The following TSPAN9 variants were observed in gnomAD, a reference collection of about 807,000 sequenced individuals.
The protein encoded by TSPAN9 is tetraspanin 9.
In TSPAN9, 16 loss-of-function variants were observed where a neutral mutation model predicts 31.0. The ratio of observed to expected loss-of-function variants is 0.52; its 90% CI spans 0.35 to 0.78. The LOEUF (loss-of-function observed/expected upper bound fraction) is 0.78, where lower values mean the gene tolerates loss of function less well. Ranked by LOEUF, TSPAN9 falls within the 30% of genes least tolerant of loss-of-function variation. The probability of loss-of-function intolerance (pLI) is 0.01; values close to 1 mark genes in which losing one functional copy is unlikely to be tolerated. For missense variants in TSPAN9, 272 were observed against 312.5 expected (o/e 0.87, Z 0.98); for synonymous variants, 145 against 121.6 (o/e 1.19, Z -1.27).
intron 2 of TSPAN9, among the ~76,000 whole-genome samples, chr12:3,148,378 A>G (rs2098338263): frequency 6.6e-6 from 1 of 152,222 alleles, no homozygotes; most frequent in South Asian, 2.1e-4. Flanking sequence ...CACAAGCTGA[A>G]TTTCTCAGAC....
chr12:3,183,395 G>A (rs969063888), intron 2 of TSPAN9, among the ~76,000 whole-genome samples: 4 of 152,184 alleles, frequency 2.6e-5, no homozygotes, highest in Non-Finnish European at 5.9e-5. Flanking sequence ...GGTTACCTTG[G>A]CGATTAGGTG....
chr12:3,267,975 G>A (rs1316150046), intron 3 of TSPAN9, among the ~76,000 whole-genome samples: 1 of 152,206 alleles, frequency 6.6e-6, no homozygotes, highest in Non-Finnish European at 1.5e-5. Context: ...ACAAGTTCCA[G>A]AGTTTGGGGA....
At chr12:3,178,998 TGA>T (rs1565604097) in intron 2 of TSPAN9, among the ~76,000 whole-genome samples, 1 of 152,182 alleles carries the variant, frequency 6.6e-6, no homozygotes, top group African/African-American at 2.4e-5. Flanking sequence ...GGCGGAGGAA[TGA>T]GAGTTATTCT....
At chr12:3,239,284 C>G (rs981980761) in intron 3 of TSPAN9, among the ~76,000 whole-genome samples, 2 of 152,174 alleles carry the variant, frequency 1.3e-5, no homozygotes, top group African/African-American at 2.4e-5. Flanking sequence ...TGGGCAGGAG[C>G]CTGCTTGGCT....
intron 1 of TSPAN9, among the ~76,000 whole-genome samples, chr12:3,079,610 C>T (rs542937651): frequency 2.0e-5 from 3 of 152,060 alleles, no homozygotes; most frequent in South Asian, 2.1e-4. Flanking sequence ...TACAGGTGCC[C>T]GCCACCACAC....
At chr12:3,158,195 C>T (rs2098343266) in intron 2 of TSPAN9, among the ~76,000 whole-genome samples, 1 of 152,144 alleles carries the variant, frequency 6.6e-6, no homozygotes, top group Admixed American at 6.5e-5. Flanking sequence ...GAGGAGCATC[C>T]CCTGGGGCTT....
chr12:3,155,622 G>A (rs865999234), intron 2 of TSPAN9, among the ~76,000 whole-genome samples: 3 of 152,008 alleles, frequency 2.0e-5, no homozygotes, highest in African/African-American at 7.2e-5. Flanking sequence ...AAGAGGGAGC[G>A]AGAGCAAGAC....
intron 3 of TSPAN9, 26 bp from the exon 4 acceptor site, chr12:3,278,395 G>A: frequency 6.2e-7 from 1 of 1,612,754 alleles, no homozygotes; most frequent in Non-Finnish European, 8.5e-7. Context: ...GCAGCGCCAG[G>A]CTAATGGGCT....
chr12:3,090,847 C>A (rs1206294561), intron 2 of TSPAN9, among the ~76,000 whole-genome samples: 2 of 152,232 alleles, frequency 1.3e-5, no homozygotes, highest in Non-Finnish European at 2.9e-5. Context: ...AGTGCAGACC[C>A]CTTCTCCTCC....
chr12:3,105,746 ACT>A (rs748343247), intron 2 of TSPAN9, among the ~76,000 whole-genome samples: 1,570 of 138,834 alleles, frequency 0.011, 13 homozygotes, highest in South Asian at 0.035. Context: ...GCACACACAC[ACT>A]CACACACACG....
intron 2 of TSPAN9, among the ~76,000 whole-genome samples, chr12:3,179,904 G>A (rs776689803): frequency 4.6e-5 from 7 of 152,152 alleles, no homozygotes; most frequent in African/African-American, 7.2e-5. Flanking sequence ...TACACGTAAC[G>A]TTTTGGCACA....
At chr12:3,103,239 C>T (rs1016189882) in intron 2 of TSPAN9, among the ~76,000 whole-genome samples, 1 of 152,224 alleles carries the variant, frequency 6.6e-6, no homozygotes, top group African/African-American at 2.4e-5. Flanking sequence ...AACACACTTG[C>T]CCTCAATGTG....
intron 2 of TSPAN9, among the ~76,000 whole-genome samples, chr12:3,113,415 AG>A (rs1458054014): frequency 6.6e-6 from 1 of 152,162 alleles, no homozygotes; most frequent in Non-Finnish European, 1.5e-5. Context: ...TCAGGTCCTG[AG>A]GCCATGATGA....
chr12:3,222,682 C>A (rs113897982), intron 3 of TSPAN9, among the ~76,000 whole-genome samples: 1 of 152,306 alleles, frequency 6.6e-6, no homozygotes, highest in South Asian at 2.1e-4. Context: ...CAAGAGCATA[C>A]CTGATGCAGG....
intron 3 of TSPAN9, among the ~76,000 whole-genome samples, chr12:3,209,089 G>A (rs771456264): frequency 2.6e-5 from 4 of 152,110 alleles, no homozygotes; most frequent in Non-Finnish European, 4.4e-5. Flanking sequence ...ACAAAAATTA[G>A]TCGGGTGTGG....
chr12:3,119,381 A>C (rs2098324056), intron 2 of TSPAN9, among the ~76,000 whole-genome samples: 1 of 152,272 alleles, frequency 6.6e-6, no homozygotes, highest in Middle Eastern at 3.4e-3. Flanking sequence ...TGTAAACTCA[A>C]ATCTGGGGCA....
At chr12:3,211,594 T>C (rs1219723161) in intron 3 of TSPAN9, 3 of 350,274 alleles carry the variant, frequency 8.6e-6, no homozygotes, top group South Asian at 4.8e-5. Flanking sequence ...ATTGCTGTCT[T>C]TTTTTTTTTT....
chr12:3,139,084 C>G (rs1315064710), intron 2 of TSPAN9, among the ~76,000 whole-genome samples: 1 of 152,218 alleles, frequency 6.6e-6, no homozygotes, highest in African/African-American at 2.4e-5. Context: ...ACATCTGGCC[C>G]AAGTGCTCAG....
chr12:3,106,296 C>G (rs932587806), intron 2 of TSPAN9, among the ~76,000 whole-genome samples: 6 of 152,240 alleles, frequency 3.9e-5, no homozygotes, highest in Admixed American at 6.5e-5. Flanking sequence ...TTTTAGCTTA[C>G]CACATCCTGT....
Sources: gnomAD v4.1 joint callset for allele counts (sites outside exome capture counted in the v4.1 genomes callset) on GRCh38, gnomAD v4.1.1 for gene constraint, MANE v1.5 for transcripts, NCBI Gene and HGNC (gene_info 2026-07-23, HGNC 2026-07-21) for gene names.